Variants in POLQ observed in about 807,000 individuals in gnomAD.
POLQ encodes the protein DNA polymerase theta, also known as epididymis secretory sperm binding protein.
A neutral mutation model predicts 259.2 loss-of-function variants in POLQ; 233 were observed. The observed-to-expected ratio is 0.90, with a 90% confidence interval of 0.81 to 1.00. The LOEUF (loss-of-function observed/expected upper bound fraction) is 1.00. POLQ is among the 50% of genes least tolerant of loss of function. POLQ has a pLI of 0.00. For synonymous variants in POLQ, 1,025 were observed against 1,048.8 expected (o/e 0.98, Z 0.44); for missense variants, 2,871 against 3,051.6 (o/e 0.94, Z 1.39).
chr3:121,488,474 C>T lies in POLQ; in HGVS notation c.4457G>A (p.Ser1486Asn), dbSNP rs199602116. Residue 1486 changes from serine to asparagine, a missense_variant, in exon 16 of 30, where the codon AGT becomes AAT. Transcript: ENST00000264233. Reference protein sequence around the residue: ...LPVPETSLNMSDSLLFDSFSD... With the variant: ...LPVPETSLNMNDSLLFDSFSD... ...GAAGCTATCAAATAGTAAACTATCA[C>T]TCATATTCAAACTTGTTTCAGGAAC... 1.9e-6 allele frequency: 3 copies of T among 1,608,852 alleles called. No individual in the cohort carries two copies. The highest frequency in any genetic ancestry group is 4.5e-5 in the East Asian group (2 of 44,850).
At chr3:121,503,306 ACT>A (rs1247095296) in intron 12 of POLQ, among the ~76,000 whole-genome samples, 2 of 152,222 alleles carry the variant, frequency 1.3e-5, no homozygotes, top group Non-Finnish European at 2.9e-5. Flanking sequence ...GTGTAAGCAC[ACT>A]CTGTAATATT....
chr3:121,479,319 C>T (rs1159749925), intron 19 of POLQ, among the ~76,000 whole-genome samples: 2 of 148,090 alleles, frequency 1.4e-5, no homozygotes, highest in Non-Finnish European at 3.0e-5. Context: ...TGAGACCAGC[C>T]TGGGCAACAT....
At chr3:121,518,773 T>A (rs1360556273) in intron 9 of POLQ, among the ~76,000 whole-genome samples, 1 of 149,976 alleles carries the variant, frequency 6.7e-6, no homozygotes, top group East Asian at 2.0e-4. Context: ...TTTTTTGACA[T>A]ATCTAATAAA....
Position 121,489,956 on chromosome 3 carries a change from G to T in POLQ, c.2975C>A (p.Ala992Asp). ...CTTCTCTTTATTTATATCTAAAGAGGCCCGTTTTCTTGCTCTGAAAATGGA... is the reference window on the plus strand; with the variant it reads ...CTTCTCTTTATTTATATCTAAAGAGTCCCGTTTTCTTGCTCTGAAAATGGA... ...TCSIFRARKR[A>D]SLDINKEKPG... Residue 992 changes from alanine (A) to aspartate (D), a missense_variant, in exon 16 of 30, where the codon GCC becomes GAC. Around this residue, in one of 3 missense-constraint regions of POLQ, gnomAD observed 2,080 missense variants for 2,126.0 expected, o/e 0.98. Transcript: ENST00000264233. 6.3e-7 allele frequency: 1 copy of T among 1,578,884 alleles called. No individual in the cohort carries two copies. Among genetic ancestry groups the T allele is most frequent in the Non-Finnish European group, 8.5e-7 (1 of 1,169,846 alleles).
chr3:121,487,286 T>A lies in POLQ; in HGVS notation c.5629+16A>T. 1 of 1,434,466 alleles carries A rather than the reference T, an allele frequency of 7.0e-7. No individual in the cohort carries two copies. Among genetic ancestry groups the A allele is most frequent in the African/African-American group, 1.4e-5 (1 of 69,610 alleles). The allele number at this position is 1,434,466 out of a possible 1,614,324, so 88.9% of individuals were successfully genotyped here. A position where few individuals can be genotyped will look rare whatever the true frequency, so the allele number is the denominator to read the frequency against. ...AGTTTATAAATATGAAAAAATAAAA[T>A]TAAAAAAATTCTTACCTTGCTTAAA... On this transcript the variant is annotated intron_variant, in intron 16 of 29. Transcript: ENST00000264233.
chr3:121,514,455 T>TA (rs1410241348), intron 9 of POLQ, among the ~76,000 whole-genome samples: 1 of 146,936 alleles, frequency 6.8e-6, no homozygotes, highest in African/African-American at 2.5e-5. Context: ...TATAGTAAGA[T>TA]AAACTATCTC....
intron 7 of POLQ, among the ~76,000 whole-genome samples, chr3:121,528,190 C>T (rs1321922627): frequency 6.6e-6 from 1 of 152,128 alleles, no homozygotes; most frequent in South Asian, 2.1e-4. Flanking sequence ...GGCGTGATCT[C>T]GGCTCACTGC....
Position 121,529,687 on chromosome 3 carries a change from T to C in POLQ, c.1066A>G (p.Ile356Val), listed in dbSNP as rs758595375. The change falls in exon 7 of 30, where the codon ATC (isoleucine) becomes GTC (valine). Residue 356 changes from isoleucine (I) to valine (V), a missense_variant. Physicochemically the swap from Ile to Val is conservative, Grantham distance 29. Around this residue, in one of 3 missense-constraint regions of POLQ, gnomAD observed 783 missense variants for 906.2 expected, o/e 0.86. Coordinates refer to ENST00000264233, the MANE Select transcript of POLQ (RefSeq NM_199420.4). Reference sequence around the variant, plus strand: ...AGATTATAAAACTCTCGAGCAATGATATCTGCCAGCTTCTCACACCATTTC... The same window carrying C: ...AGATTATAAAACTCTCGAGCAATGACATCTGCCAGCTTCTCACACCATTTC... ...SKKWCEKLAD[I>V]IAREFYNLHH... 4.3e-6 allele frequency: 7 copies of C among 1,613,600 alleles called. No homozygotes were observed. The highest frequency in any genetic ancestry group is 5.9e-6 in the Non-Finnish European group (7 of 1,179,704).
chr3:121,517,810 A>T (rs545828592), intron 9 of POLQ, among the ~76,000 whole-genome samples: 1 of 152,366 alleles, frequency 6.6e-6, no homozygotes, highest in Non-Finnish European at 1.5e-5. Context: ...GACACACTAC[A>T]GCCATCATAT....
chr3:121,457,163 G>A (rs1243845510), intron 25 of POLQ, among the ~76,000 whole-genome samples: 1 of 152,110 alleles, frequency 6.6e-6, no homozygotes, highest in Non-Finnish European at 1.5e-5. Context: ...AATGGTGCTG[G>A]GAAAACTGGC....
chr3:121,462,885 C>G lies in POLQ; in HGVS notation c.6968-2651G>C, dbSNP rs74837046. Among the ~76,000 whole-genome samples, 1,374 of 152,308 alleles carry G rather than the reference C, an allele frequency of 9.0e-3. 19 individuals are homozygous for G. The highest frequency in any genetic ancestry group is 0.031 in the African/African-American group (1,301 of 41,562). ...CCAAGCTGATGTGAAAGTAAATTGT[C>G]TGACAAAAGAAAACCTTATATTCTA... On this transcript the variant is annotated intron_variant, in intron 24 of 29. Transcript: ENST00000264233.
At chr3:121,515,871 TA>T (rs922215149) in intron 9 of POLQ, among the ~76,000 whole-genome samples, 1 of 151,994 alleles carries the variant, frequency 6.6e-6, no homozygotes, top group Admixed American at 6.6e-5. Context: ...GAATCCAGAA[TA>T]ATTATCCTAA....
intron 29 of POLQ, 132 bp from the exon 30 acceptor site, chr3:121,432,549 T>TA (rs2047503612): frequency 2.6e-6 from 2 of 756,358 alleles, no homozygotes; most frequent in Middle Eastern, 3.7e-4. Flanking sequence ...TCAGAAAAAA[T>TA]AAAAAATAAA....
intron 25 of POLQ, among the ~76,000 whole-genome samples, chr3:121,453,978 A>C (rs1024817558): frequency 6.6e-6 from 1 of 152,252 alleles, no homozygotes; most frequent in African/African-American, 2.4e-5. Context: ...CGGCAGCCAG[A>C]GACAAAGGTC....
chr3:121,537,070 C>T (rs1304809305), intron 5 of POLQ, 30 bp downstream of exon 5: 1 of 1,017,890 alleles, frequency 9.8e-7, no homozygotes, highest in East Asian at 2.4e-5. Flanking sequence ...TGTTTGAAAT[C>T]TCAGGAACTC....
chr3:121,470,602 A>G (rs73193616), intron 22 of POLQ, among the ~76,000 whole-genome samples: 1,907 of 152,088 alleles, frequency 0.013, 23 homozygotes, highest in Non-Finnish European at 0.016. Flanking sequence ...TTATTACCTT[A>G]TTCGTTTATT....
In POLQ at chr3:121,489,592, T is replaced by C. The variant is rs1221324711; in HGVS notation, c.3339A>G (p.Ser1113=). The change falls in exon 16 of 30, where the codon TCA becomes TCG. Residue 1113 remains serine (S), a synonymous_variant. Transcript: ENST00000264233. ...LSGKEKDNKT[S]FPLQIKQNCS... Reference sequence around the variant, plus strand: ...AATTTTGCTTTATTTGTAATGGGAATGATGTTTTATTATCTTTTTCCTTAC... The same window carrying C: ...AATTTTGCTTTATTTGTAATGGGAACGATGTTTTATTATCTTTTTCCTTAC... 6.2e-7 allele frequency: 1 copy of C among 1,613,224 alleles called. No individual in the cohort carries two copies. The highest frequency in any genetic ancestry group is 8.5e-7 in the Non-Finnish European group (1 of 1,179,556).
chr3:121,450,311 A>T lies in POLQ; in HGVS notation c.7153-885T>A, dbSNP rs550152462. Among the ~76,000 whole-genome samples the T allele has an allele frequency of 5.3e-5, 8 of 152,124 alleles. No individual in the cohort carries two copies. The South Asian group carries it at 1.2e-3, about 24-fold the overall frequency. On this transcript the variant is annotated intron_variant, in intron 25 of 29. Transcript: ENST00000264233. The stretch of plus-strand genomic sequence containing the variant: ...AAAAAACTTTCAACATGATAAGCTA[A>T]CTAAAGTCTACCCCCACCCCCAAGT...
Position 121,493,627 on chromosome 3 carries a change from C to A in POLQ, c.2373G>T (p.Arg791Ser). Reference protein sequence around the residue: ...FQKRLTFGIQRELCDLVRVSL... With the variant: ...FQKRLTFGIQSELCDLVRVSL... The stretch of plus-strand genomic sequence containing the variant: ...ATACCCGAACCAGGTCACACAGCTC[C>A]CTCTGGATGCCAAACGTAAGACGCT... Residue 791 changes from arginine (R) to serine (S), a missense_variant, in exon 15 of 30, where the codon AGG becomes AGT. By Grantham distance (110) the Arg-to-Ser change is moderately radical (BLOSUM62 -1). This residue lies in a region of POLQ where 2,080 missense variants were observed against 2,126.0 expected (regional missense o/e 0.98). Transcript: ENST00000264233. 1 of 1,614,098 alleles carries A rather than the reference C, an allele frequency of 6.2e-7. No individual in the cohort carries two copies. Among genetic ancestry groups the A allele is most frequent in the Non-Finnish European group, 8.5e-7 (1 of 1,180,004 alleles).
Sources: allele counts gnomAD v4.1 joint callset (sites outside exome capture counted in the v4.1 genomes callset), GRCh38; gene constraint gnomAD v4.1.1; regional missense constraint gnomAD v4.1.1; transcripts MANE v1.5; gene names NCBI Gene and HGNC (gene_info 2026-07-23, HGNC 2026-07-21).